TENM4: variants seen among roughly 807,000 people sequenced by gnomAD.
TENM4 encodes the protein teneurin-4.
In TENM4, 82 loss-of-function variants were observed where a neutral mutation model predicts 243.3. The ratio of observed to expected loss-of-function variants is 0.34; its 90% CI spans 0.28 to 0.40. TENM4 has a LOEUF of 0.40. Ranked by LOEUF, TENM4 falls within the 10% of genes least tolerant of loss-of-function variation. The probability of loss-of-function intolerance (pLI) is 1.00; values close to 1 mark genes in which losing one functional copy is unlikely to be tolerated. For missense variants in TENM4, 3,138 were observed against 3,673.3 expected, an observed-to-expected ratio of 0.85 and a Z score of 3.77; for synonymous variants, 1,412 against 1,456.3, an observed-to-expected ratio of 0.97 and a Z score of 0.69.
At chr11:78,729,765 G>A in intron 21 of TENM4, 122 bp from the exon 22 acceptor site, 2 of 1,316,388 alleles carry the variant, frequency 1.5e-6, no homozygotes, top group Non-Finnish European at 2.1e-6. Flanking sequence ...AAGGAGAGAG[G>A]AGGGGAAAAA....
intron 4 of TENM4, among the ~76,000 whole-genome samples, chr11:79,131,902 A>G (rs1862010217): frequency 6.6e-6 from 1 of 152,202 alleles, no homozygotes; most frequent in Non-Finnish European, 1.5e-5. Flanking sequence ...TATATCAGAC[A>G]AAACAAACTT....
intron 12 of TENM4, among the ~76,000 whole-genome samples, chr11:78,836,477 A>G (rs184831848): frequency 6.6e-6 from 1 of 152,306 alleles, no homozygotes; most frequent in East Asian, 1.9e-4. Flanking sequence ...GGTTGTGTGG[A>G]TCAAAAAGGA....
rs116204534 is a variant in TENM4 at position 78,741,000 on chromosome 11, G to A, written c.2757-2430C>T. ...ACTCCCTGGACGCCGATAGGCCATA[G>A]AGGCCTCTTGCCAACACAGGCATTT... On this transcript the variant is annotated intron_variant, in intron 19 of 33. Coordinates refer to ENST00000278550, the MANE Select transcript of TENM4 (RefSeq NM_001098816.3). 5.4e-3 allele frequency among the ~76,000 whole-genome samples: 825 copies of A among 152,352 alleles called. 5 individuals carry two copies. Among genetic ancestry groups the A allele is most frequent in the African/African-American group, 0.019 (781 of 41,578 alleles).
chr11:78,686,203 C>T (rs752789116), intron 29 of TENM4, among the ~76,000 whole-genome samples: 90 of 152,276 alleles, frequency 5.9e-4, no homozygotes, highest in Non-Finnish European at 7.3e-4. Flanking sequence ...GGTTGTCAAT[C>T]ATGCCTATCC....
chr11:78,795,249 C>T (rs1217851001), intron 15 of TENM4, among the ~76,000 whole-genome samples: 1 of 152,160 alleles, frequency 6.6e-6, no homozygotes, highest in Admixed American at 6.5e-5. Flanking sequence ...CCTGAGTTGT[C>T]TAGAGAACCC....
At chr11:79,032,473 C>T (rs1859269197) in intron 6 of TENM4, among the ~76,000 whole-genome samples, 1 of 152,166 alleles carries the variant, frequency 6.6e-6, no homozygotes, top group Admixed American at 6.5e-5. Flanking sequence ...CAGCCTAGTG[C>T]TTTTTCTATG....
chr11:78,890,710 A>G (rs1312736720), intron 8 of TENM4, among the ~76,000 whole-genome samples: 1 of 152,182 alleles, frequency 6.6e-6, no homozygotes, highest in Non-Finnish European at 1.5e-5. Context: ...ACTGCACCCT[A>G]CAGCCTAGTC....
intron 6 of TENM4, among the ~76,000 whole-genome samples, chr11:79,028,503 G>C (rs142252545): frequency 6.6e-6 from 1 of 152,232 alleles, no homozygotes; most frequent in Non-Finnish European, 1.5e-5. Context: ...AGCTGGGCTG[G>C]CCTTTCAGAG....
At chr11:78,703,709 C>T (rs550573880) in intron 27 of TENM4, among the ~76,000 whole-genome samples, 195 of 152,056 alleles carry the variant, frequency 1.3e-3, no homozygotes, top group South Asian at 4.6e-3. Context: ...CTGGAAGTGC[C>T]GACAGGTGCA....
At chr11:79,333,179 G>A (rs1857089256) in intron 1 of TENM4, among the ~76,000 whole-genome samples, 1 of 152,114 alleles carries the variant, frequency 6.6e-6, no homozygotes, top group African/African-American at 2.4e-5. Flanking sequence ...GTTAATATAT[G>A]ATAAGGAGAA....
At chr11:78,892,110 A>G (rs751239119) in intron 7 of TENM4, among the ~76,000 whole-genome samples, 7 of 152,194 alleles carry the variant, frequency 4.6e-5, no homozygotes, top group Non-Finnish European at 7.3e-5. Flanking sequence ...CACGGAAGAC[A>G]AAAGAGGATG....
At chr11:78,774,639 A>G (rs1856706156) in intron 17 of TENM4, among the ~76,000 whole-genome samples, 2 of 152,236 alleles carry the variant, frequency 1.3e-5, no homozygotes, top group Non-Finnish European at 2.9e-5. Context: ...TGAGAGGGAC[A>G]AGAGGCCTGC....
intron 1 of TENM4, among the ~76,000 whole-genome samples, chr11:79,302,765 G>C (rs1420928435): frequency 6.6e-6 from 1 of 152,028 alleles, no homozygotes; most frequent in Non-Finnish European, 1.5e-5. Context: ...TTTCCTATAG[G>C]GTCTCCAGGA....
intron 6 of TENM4, among the ~76,000 whole-genome samples, chr11:79,052,092 T>C (rs1859810174): frequency 6.6e-6 from 1 of 152,230 alleles, no homozygotes; most frequent in Non-Finnish European, 1.5e-5. Flanking sequence ...TAGGTGTGCA[T>C]GTATCTTTAT....
chr11:79,276,478 G>A (rs1856057998), intron 2 of TENM4, among the ~76,000 whole-genome samples: 1 of 151,118 alleles, frequency 6.6e-6, no homozygotes, highest in African/African-American at 2.4e-5. Flanking sequence ...AAGTGTAGAT[G>A]TTTGGAGGGG....
At chr11:78,695,008 G>GC (rs1287869752) in intron 28 of TENM4, among the ~76,000 whole-genome samples, 1 of 152,090 alleles carries the variant, frequency 6.6e-6, no homozygotes. Context: ...TGTTTTTAGT[G>GC]CCTGGGTGCC....
chr11:79,070,807 C>A (rs1352810959), intron 4 of TENM4, among the ~76,000 whole-genome samples: 11 of 152,338 alleles, frequency 7.2e-5, no homozygotes, highest in African/African-American at 2.4e-4. Flanking sequence ...AGGATTGGAA[C>A]TCTGATCTGT....
At chr11:78,900,639 C>A (rs1354086386) in intron 7 of TENM4, among the ~76,000 whole-genome samples, 2 of 152,196 alleles carry the variant, frequency 1.3e-5, no homozygotes, top group African/African-American at 2.4e-5. Context: ...TTCCTCCCAA[C>A]CTCTTTGAGA....
In TENM4 at chr11:78,901,456, G is replaced by A. The variant is rs113953062; in HGVS notation, c.749+1812C>T. On this transcript the variant is annotated intron_variant, in intron 7 of 33. Coordinates refer to ENST00000278550, the MANE Select transcript of TENM4 (RefSeq NM_001098816.3). ...GTGAGCACAGAAAGACAGGAGACGT[G>A]AGCTGGGACCACCTTTACAACTCAC... Among the ~76,000 whole-genome samples the A allele has an allele frequency of 2.8e-3, 430 of 152,262 alleles. 2 individuals are homozygous for A. The highest frequency in any genetic ancestry group is 9.8e-3 in the African/African-American group (408 of 41,544).
Sources: gnomAD v4.1 joint callset for allele counts (sites outside exome capture counted in the v4.1 genomes callset) on GRCh38, gnomAD v4.1.1 for gene constraint, MANE v1.5 for transcripts, NCBI Gene and HGNC (gene_info 2026-07-23, HGNC 2026-07-21) for gene names.